Variants in IFNGR2 observed in about 807,000 individuals in gnomAD.
IFNGR2 encodes the protein interferon gamma receptor 2.
In IFNGR2, 15 loss-of-function variants were observed where a neutral mutation model predicts 41.1. The observed-to-expected ratio is 0.37, with a 90% CI of 0.24 to 0.56. The LOEUF is 0.56. IFNGR2 is among the 20% of genes least tolerant of loss of function. The pLI is 0.81. For missense variants in IFNGR2, 362 were observed against 415.7 expected (o/e 0.87, Z 1.12); for synonymous variants, 161 against 171.6 (o/e 0.94, Z 0.48).
rs770663375 is a variant in IFNGR2 at position 33,432,875 on chromosome 21, C to T, written c.879+4C>T. On this transcript the variant is annotated splice_donor_region_variant and intron_variant, in intron 6 of 6. Transcript: ENST00000290219. ...CATCCCATTACAGATAGAAGAGGTA[C>T]GTGTGCACACATCTCTTTTTTTTTT... The T allele has an allele frequency of 1.3e-5, 21 of 1,603,566 alleles. No individual in the cohort carries two copies. The highest frequency in any genetic ancestry group is 4.5e-5 in the East Asian group (2 of 44,744).
intron 6 of IFNGR2, among the ~76,000 whole-genome samples, chr21:33,436,107 CA>C (rs1272821187): frequency 2.0e-5 from 3 of 151,532 alleles, no homozygotes; most frequent in Non-Finnish European, 4.4e-5. Context: ...CCTGCAATCC[CA>C]GCACTTTGGG....
chr21:33,437,053 A>G lies in IFNGR2; in HGVS notation c.*91A>G, dbSNP rs2083962589. On this transcript the variant is annotated 3_prime_UTR_variant, in exon 7 of 7. Coordinates refer to ENST00000290219, the MANE Select transcript of IFNGR2 (RefSeq NM_005534.4). ...CTGTCTGGACTTTCCAGAGACCAGT[A>G]TTCCCTTTTGCTGCCTCTAAAAGGC... 2 of 1,402,344 alleles carry G rather than the reference A, an allele frequency of 1.4e-6. No individual in the cohort carries two copies. Among genetic ancestry groups the G allele is most frequent in the Admixed American group, 1.7e-5 (1 of 57,968 alleles). The allele number at this position is 1,402,344 out of a possible 1,614,324, so 86.9% of individuals were successfully genotyped here. A position where few individuals can be genotyped will look rare whatever the true frequency, so the allele number is the denominator to read the frequency against.
chr21:33,434,849 G>C (rs188994033), intron 6 of IFNGR2, among the ~76,000 whole-genome samples: 197 of 152,188 alleles, frequency 1.3e-3, no homozygotes, highest in Admixed American at 2.2e-3. Context: ...CTCTCTCCTG[G>C]TAGAACTACC....
rs573672808 is a variant in IFNGR2 at position 33,409,287 on chromosome 21, G to A, written c.74-5601G>A. ...ATCAAGACCATCCTGGCTAATAATG[G>A]TGAAACCTCGTCTCTCCTAAAAGCA... On this transcript the variant is annotated intron_variant, in intron 1 of 6. Coordinates refer to ENST00000290219, the MANE Select transcript of IFNGR2 (RefSeq NM_005534.4). Among the ~76,000 whole-genome samples, 3 of 151,774 alleles carry A rather than the reference G, an allele frequency of 2.0e-5. No individual in the cohort carries two copies. The South Asian group carries it at 6.3e-4, about 32-fold the overall frequency.
intron 3 of IFNGR2, among the ~76,000 whole-genome samples, chr21:33,423,461 C>T (rs1025584238): frequency 4.6e-5 from 7 of 151,812 alleles, no homozygotes; most frequent in Non-Finnish European, 8.8e-5. Context: ...GGTGCAGTCT[C>T]GGCTCACTGC....
upstream of IFNGR2, chr21:33,403,102 T>A (rs1190813451): frequency 1.2e-4 from 7 of 60,584 alleles, no homozygotes; most frequent in African/African-American, 3.3e-4. Context: ...TTGGGGGGGG[T>A]CAGGAGGGGT....
chr21:33,427,841 C>CTT lies in IFNGR2; in HGVS notation c.561+809_561+810insTT, dbSNP rs2083851840. 1.5e-3 allele frequency among the ~76,000 whole-genome samples: 179 copies of CTT among 116,858 alleles called. 9 individuals are homozygous for CTT. Among genetic ancestry groups the CTT allele is most frequent in the East Asian group, 2.9e-3 (11 of 3,836 alleles). 76.7% of individuals were successfully genotyped at this position (116,858 alleles called of 152,430 possible). A position where few individuals can be genotyped will look rare whatever the true frequency, so the allele number is the denominator to read the frequency against. On this transcript the variant is annotated intron_variant, in intron 4 of 6. Coordinates refer to ENST00000290219, the MANE Select transcript of IFNGR2 (RefSeq NM_005534.4). Reference sequence around the variant, plus strand: ...GAATTTTAGATACTTCATCTCATTTCATCTTTTTTTTTTTTTTTTTTTTGA... The same window carrying CTT: ...GAATTTTAGATACTTCATCTCATTTCTTATCTTTTTTTTTTTTTTTTTTTTGA...
chr21:33,422,030 A>G lies in IFNGR2; in HGVS notation c.412+345A>G, dbSNP rs146430874. On this transcript the variant is annotated intron_variant, in intron 3 of 6. Transcript: ENST00000290219. ...TTGCAATAGCAGCTGTTGAGCCTGC[A>G]AAGTCTAAATTTACTGTGGCTCTTT... Among the ~76,000 whole-genome samples, 798 of 152,362 alleles carry G rather than the reference A, an allele frequency of 5.2e-3. 5 individuals carry two copies. Among genetic ancestry groups the G allele is most frequent in the Middle Eastern group, 0.031 (9 of 294 alleles).
At chr21:33,406,382 GA>G (rs55929943) in intron 1 of IFNGR2, among the ~76,000 whole-genome samples, 40 of 148,824 alleles carry the variant, frequency 2.7e-4, no homozygotes, top group Non-Finnish European at 4.5e-4. Context: ...CTCAAAAAAA[GA>G]AAAAAAAAGA....
intron 4 of IFNGR2, among the ~76,000 whole-genome samples, chr21:33,431,820 C>T (rs1261451389): frequency 6.6e-6 from 1 of 152,234 alleles, no homozygotes; most frequent in Admixed American, 6.5e-5. Flanking sequence ...GATCCACCCA[C>T]CCTGGCCTCC....
chr21:33,429,415 G>A (rs1022363554), intron 4 of IFNGR2, among the ~76,000 whole-genome samples: 4 of 152,096 alleles, frequency 2.6e-5, no homozygotes, highest in African/African-American at 4.8e-5. Flanking sequence ...CTCGGCTCAC[G>A]GGTTCAAGAG....
chr21:33,423,387 T>G (rs529387915), intron 3 of IFNGR2, among the ~76,000 whole-genome samples: 13 of 150,050 alleles, frequency 8.7e-5, no homozygotes, highest in Admixed American at 6.0e-4. Flanking sequence ...TAATAAAAAG[T>G]TTTTTTTTGT....
In IFNGR2 at chr21:33,403,652, G is replaced by GCGCAGC. The variant is rs2083657262; in HGVS notation, c.73+43_73+48dup. ...CCTGGGCCTCCGCGGCGGGACGCGGGCGCAGCCGCAGCATGTGGGGGCTGG... is the reference window on the plus strand; with the variant it reads ...CCTGGGCCTCCGCGGCGGGACGCGGGCGCAGCCGCAGCCGCAGCATGTGGGGGCTGG... On this transcript the variant is annotated intron_variant, in intron 1 of 6. Transcript: ENST00000290219. 16 of 1,286,038 alleles carry GCGCAGC rather than the reference G, an allele frequency of 1.2e-5. No individual in the cohort carries two copies. In the South Asian group the frequency reaches 3.1e-4, roughly 25 times the overall value. 79.7% of individuals were successfully genotyped at this position (1,286,038 alleles called of 1,614,324 possible). A position where few individuals can be genotyped will look rare whatever the true frequency, so the allele number is the denominator to read the frequency against.
At chr21:33,404,961 T>TA (rs1343532835) in intron 1 of IFNGR2, among the ~76,000 whole-genome samples, 1 of 152,026 alleles carries the variant, frequency 6.6e-6, no homozygotes, top group African/African-American at 2.4e-5. Context: ...CCGTCTGTGC[T>TA]AAAAATACAT....
chr21:33,424,772 C>T (rs962659180), intron 3 of IFNGR2, among the ~76,000 whole-genome samples: 1 of 152,174 alleles, frequency 6.6e-6, no homozygotes, highest in Non-Finnish European at 1.5e-5. Flanking sequence ...GAGACAGTCT[C>T]GCTCTGTCGC....
chr21:33,436,703 G>A, intron 6 of IFNGR2, 125 bp from the exon 7 acceptor site: 1 of 726,588 alleles, frequency 1.4e-6, no homozygotes, highest in Non-Finnish European at 2.2e-6. Flanking sequence ...GCCTAGGCAA[G>A]AGTAAGACTC....
At chr21:33,409,320 AT>A (rs538290974) in intron 1 of IFNGR2, among the ~76,000 whole-genome samples, 1 of 150,200 alleles carries the variant, frequency 6.7e-6, no homozygotes, top group Non-Finnish European at 1.5e-5. Flanking sequence ...GCACAAAAAA[AT>A]AGCCAGGCGT....
intron 1 of IFNGR2, chr21:33,411,026 C>A (rs2123333382): frequency 1.5e-6 from 1 of 688,424 alleles, no homozygotes; most frequent in Non-Finnish European, 2.6e-6. Flanking sequence ...CTGGGCTGCC[C>A]AAGGACAGGC....
At chr21:33,415,114 G>T in intron 2 of IFNGR2, 94 bp downstream of exon 2, 1 of 1,462,986 alleles carries the variant, frequency 6.8e-7, no homozygotes, top group Non-Finnish European at 9.5e-7. Flanking sequence ...TCTGTGCAGG[G>T]TTTGTTATCA....
Sources: allele counts gnomAD v4.1 joint callset (sites outside exome capture counted in the v4.1 genomes callset), GRCh38; gene constraint gnomAD v4.1.1; transcripts MANE v1.5; gene names NCBI Gene and HGNC (gene_info 2026-07-23, HGNC 2026-07-21).